FOXP1: variants seen among roughly 807,000 people sequenced by gnomAD.
The protein encoded by FOXP1 is forkhead box P1, also known as forkhead box protein P1.
Under a neutral mutation model 98.2 loss-of-function variants are expected in FOXP1, and 15 were observed. That is an observed-to-expected ratio of 0.15 (90% CI 0.10 to 0.24). FOXP1 has a LOEUF of 0.24. Among genes scored for constraint, FOXP1 ranks in the 10% least tolerant of loss-of-function variants. The pLI is 1.00. For missense variants in FOXP1, 633 were observed against 848.5 expected (o/e 0.75, Z 3.15); for synonymous variants, 371 against 314.5 (o/e 1.18, Z -1.90).
intron 6 of FOXP1, among the ~76,000 whole-genome samples, chr3:71,170,759 C>A (rs1418886161): frequency 2.0e-5 from 3 of 152,146 alleles, no homozygotes; most frequent in African/African-American, 7.2e-5. Context: ...CCCAGAACGA[C>A]CACTAATTGA....
chr3:71,240,955 A>G (rs1482858606), intron 5 of FOXP1, among the ~76,000 whole-genome samples: 1 of 151,896 alleles, frequency 6.6e-6, no homozygotes, highest in Non-Finnish European at 1.5e-5. Context: ...TCACGCCTGT[A>G]ATCCCAGCAC....
intron 7 of FOXP1, among the ~76,000 whole-genome samples, chr3:71,106,220 C>T (rs1559939596): frequency 6.6e-6 from 1 of 152,258 alleles, no homozygotes; most frequent in Non-Finnish European, 1.5e-5. Flanking sequence ...ATCTATCACA[C>T]TTTGCATGTG....
chr3:71,158,780 G>T (rs1459378404), intron 6 of FOXP1, among the ~76,000 whole-genome samples: 1 of 148,202 alleles, frequency 6.7e-6, no homozygotes, highest in Non-Finnish European at 1.5e-5. Context: ...GATATGTTAC[G>T]TTGTCAAAGG....
intron 3 of FOXP1, among the ~76,000 whole-genome samples, chr3:71,397,020 A>ATATATATG (rs2081504695): frequency 1.1e-5 from 1 of 89,846 alleles, no homozygotes; most frequent in Non-Finnish European, 2.1e-5. Context: ...ATATATATAT[A>ATATATATG]TATACATATA....
intron 3 of FOXP1, among the ~76,000 whole-genome samples, chr3:71,438,904 C>T (rs1426676304): frequency 6.6e-6 from 1 of 151,394 alleles, no homozygotes; most frequent in African/African-American, 2.4e-5. Flanking sequence ...CCCAACCCCA[C>T]TGGTGGAGAC....
At chr3:70,974,249 T>C (rs1235107511) in intron 17 of FOXP1, among the ~76,000 whole-genome samples, 2 of 152,076 alleles carry the variant, frequency 1.3e-5, no homozygotes, top group Admixed American at 6.5e-5. Flanking sequence ...ATACACTTGA[T>C]AGGACAATTT....
At chr3:71,183,909 T>C (rs2062485407) in intron 6 of FOXP1, among the ~76,000 whole-genome samples, 1 of 152,118 alleles carries the variant, frequency 6.6e-6, no homozygotes, top group African/African-American at 2.4e-5. Flanking sequence ...TCCCAGCACT[T>C]TGGGAGGCCG....
rs550648214 is a variant in FOXP1, at chr3:71,531,651, C to G, written c.-297-38096G>C. ...TTTGCTTCCCTGACTGCACAGTTAT[C>G]TCCAGTGTGATCATTTAGGAGAGGA... On this transcript the variant is annotated intron_variant, in intron 2 of 20. Transcript: ENST00000649528. Among the ~76,000 whole-genome samples the G allele has an allele frequency of 1.6e-3, 239 of 152,308 alleles. 1 individual carries two copies. The highest frequency in any genetic ancestry group is 0.014 in the Middle Eastern group (4 of 294).
intron 5 of FOXP1, among the ~76,000 whole-genome samples, chr3:71,265,741 C>T (rs751531038): frequency 3.5e-4 from 53 of 152,160 alleles, no homozygotes; most frequent in Non-Finnish European, 5.6e-4. Context: ...GGGCACATGA[C>T]GCGCTGGACC....
intron 6 of FOXP1, among the ~76,000 whole-genome samples, chr3:71,138,327 T>C (rs1575970412): frequency 6.6e-6 from 1 of 152,328 alleles, no homozygotes; most frequent in South Asian, 2.1e-4. Context: ...TTGTTAGCTG[T>C]TAATAATACA....
rs774745233 is a variant in FOXP1 at position 71,198,253 on chromosome 3, G to A, written c.129C>T (p.Ala43=). ...REGRSNGETP[A]VDIGAADLAH... The stretch of plus-strand genomic sequence containing the variant: ...CGAGGTCAGCTGCCCCGATGTCCAC[G>A]GCCGGCGTCTCTCCGTTGGACCGCC... The change falls in exon 6 of 21, where the codon GCC becomes GCT. Residue 43 remains alanine (A), a synonymous_variant. Coordinates refer to ENST00000649528, the MANE Select transcript of FOXP1 (RefSeq NM_001349338.3). 4.3e-6 allele frequency: 7 copies of A among 1,614,112 alleles called. No individual in the cohort carries two copies. The highest frequency in any genetic ancestry group is 5.1e-6 in the Non-Finnish European group (6 of 1,180,042).
intron 7 of FOXP1, among the ~76,000 whole-genome samples, chr3:71,104,968 T>G (rs1184993569): frequency 6.6e-6 from 1 of 152,024 alleles, no homozygotes; most frequent in Non-Finnish European, 1.5e-5. Flanking sequence ...TAATCATATA[T>G]GTGAGGCCCC....
At chr3:71,258,927 C>T (rs1398112102) in intron 5 of FOXP1, among the ~76,000 whole-genome samples, 1 of 152,132 alleles carries the variant, frequency 6.6e-6, no homozygotes, top group East Asian at 1.9e-4. Context: ...AGCCGGATCA[C>T]GAGGTCAGGA....
intron 3 of FOXP1, among the ~76,000 whole-genome samples, chr3:71,460,078 C>T (rs779679706): frequency 9.9e-5 from 15 of 151,210 alleles, no homozygotes; most frequent in African/African-American, 1.9e-4. Flanking sequence ...GGACTACAGG[C>T]GCCCACCACC....
chr3:71,200,979 T>A (rs530252519), intron 5 of FOXP1, among the ~76,000 whole-genome samples: 2 of 152,304 alleles, frequency 1.3e-5, no homozygotes, highest in Admixed American at 1.3e-4. Flanking sequence ...ATTTTTTAAG[T>A]TGATTCAATT....
At chr3:71,125,080 G>C (rs937669406) in intron 6 of FOXP1, among the ~76,000 whole-genome samples, 1 of 152,176 alleles carries the variant, frequency 6.6e-6, no homozygotes, top group Non-Finnish European at 1.5e-5. Flanking sequence ...CTATGACTCT[G>C]ACTCTTACCA....
At chr3:71,435,050 T>C (rs2085116826) in intron 3 of FOXP1, among the ~76,000 whole-genome samples, 1 of 151,134 alleles carries the variant, frequency 6.6e-6, no homozygotes, top group South Asian at 2.1e-4. Flanking sequence ...AAACTGATAA[T>C]TAACACATGA....
chr3:71,460,801 T>G lies in FOXP1; in HGVS notation c.-168+32625A>C, dbSNP rs533327938. ...GAGTCTTACATTATACACTGGTAGC[T>G]GAGAGAATTCATCATTCTGAGTGGC... On this transcript the variant is annotated intron_variant, in intron 3 of 20. Coordinates refer to ENST00000649528, the MANE Select transcript of FOXP1 (RefSeq NM_001349338.3). 2.3e-4 allele frequency among the ~76,000 whole-genome samples: 35 copies of G among 152,312 alleles called. No homozygotes were observed. The South Asian group carries it at 7.3e-3, about 32-fold the overall frequency.
At position 71,467,251 on chromosome 3, in the gene FOXP1, C is replaced by A. The variant is rs372029844; in HGVS notation, c.-168+26175G>T. ...TATATACATACACACACATATATAC[C>A]TATATACCAGTAACGTTCAGAGGAT... On this transcript the variant is annotated intron_variant, in intron 3 of 20. Coordinates refer to ENST00000649528, the MANE Select transcript of FOXP1 (RefSeq NM_001349338.3). 2.0e-5 allele frequency among the ~76,000 whole-genome samples: 3 copies of A among 152,096 alleles called. No homozygotes were observed. The East Asian group carries it at 5.8e-4, about 29-fold the overall frequency.
Sources: allele counts gnomAD v4.1 joint callset (sites outside exome capture counted in the v4.1 genomes callset), GRCh38; gene constraint gnomAD v4.1.1; transcripts MANE v1.5; gene names NCBI Gene and HGNC (gene_info 2026-07-23, HGNC 2026-07-21).